The following USP35 variants were observed in gnomAD, a reference collection of about 807,000 sequenced individuals.
USP35 encodes ubiquitin specific peptidase 35.
In USP35, 69 loss-of-function variants were observed where a neutral mutation model predicts 83.8. That is an observed-to-expected ratio of 0.82 (90% CI 0.68 to 1.01). The LOEUF is 1.01. Ranked by LOEUF, USP35 falls within the 50% of genes least tolerant of loss-of-function variation. USP35 has a pLI of 0.00. For synonymous variants in USP35, 714 were observed against 589.5 expected (o/e 1.21, Z -3.06); for missense variants, 1,503 against 1,362.5 (o/e 1.10, Z -1.62).
chr11:78,231,497 G>A, the USP35 span, among the ~76,000 whole-genome samples: 1 of 152,088 alleles, frequency 6.6e-6, no homozygotes, highest in African/African-American at 2.4e-5. Context: ...TTACAGGAGC[G>A]TACCACTGCA....
At chr11:78,236,737 T>C in the USP35 span, among the ~76,000 whole-genome samples, 1 of 151,024 alleles carries the variant, frequency 6.6e-6, no homozygotes, top group African/African-American at 2.4e-5. Context: ...ATATTATTTT[T>C]CTCCTTCATT....
chr11:78,190,247 T>G (rs915495940), intron 1 of USP35, among the ~76,000 whole-genome samples: 4 of 152,196 alleles, frequency 2.6e-5, no homozygotes, highest in African/African-American at 9.6e-5. Flanking sequence ...TTTTGTTTTG[T>G]TTTGTTTTGT....
rs753675342 is a variant in USP35, at chr11:78,209,816, C to G, written c.1961C>G (p.Pro654Arg). 3.7e-6 allele frequency: 6 copies of G among 1,613,544 alleles called. No individual in the cohort carries two copies. Among genetic ancestry groups the G allele is most frequent in the East Asian group, 4.5e-5 (2 of 44,834 alleles). The change falls in exon 10 of 11, where the codon CCC becomes CGC. Residue 654 changes from proline to arginine, a missense_variant. Coordinates refer to ENST00000529308, the MANE Select transcript of USP35 (RefSeq NM_020798.4). ...CACTGCATCACAGAGGACACCCCCC[C>G]CACCAGCCTGTACATCGAAGGCCTG... is the stretch of plus-strand genomic sequence containing the variant. The part of the protein sequence containing the change: ...RKHCITEDTP[P>R]TSLYIEGLDS...
intron 3 of USP35, chr11:78,198,563 C>G: frequency 1.1e-5 from 11 of 967,208 alleles, no homozygotes; most frequent in Non-Finnish European, 1.2e-5. Context: ...CAGAATATGC[C>G]GCTCCCCTCC....
chr11:78,212,697 T>C (rs1225944842), intron 10 of USP35, among the ~76,000 whole-genome samples: 1 of 152,186 alleles, frequency 6.6e-6, no homozygotes, highest in East Asian at 1.9e-4. Context: ...CTGCTTCTTG[T>C]TGGTGTATAG....
At chr11:78,230,065 T>C in the USP35 span, among the ~76,000 whole-genome samples, 5 of 152,256 alleles carry the variant, frequency 3.3e-5, no homozygotes, top group African/African-American at 9.6e-5. Context: ...GGAAAGAAAC[T>C]GTGTCTTACT....
At chr11:78,223,619 G>T in the USP35 span, 1 of 1,612,698 alleles carries the variant, frequency 6.2e-7, no homozygotes, top group Non-Finnish European at 8.5e-7. Context: ...GGATTCATGG[G>T]CACATAGTTG....
At chr11:78,190,761 T>A (rs898488395) in intron 1 of USP35, among the ~76,000 whole-genome samples, 1 of 152,138 alleles carries the variant, frequency 6.6e-6, no homozygotes, top group Non-Finnish European at 1.5e-5. Flanking sequence ...AGCTGGGCAT[T>A]GAAGGGTGAG....
chr11:78,195,695 T>C (rs915831846), intron 1 of USP35, among the ~76,000 whole-genome samples: 3 of 152,180 alleles, frequency 2.0e-5, no homozygotes, highest in African/African-American at 4.8e-5. Context: ...ACGTAGCCTT[T>C]GTGCGATTAA....
rs1197505090 is a variant in USP35 at position 78,209,989 on chromosome 11, G to A, written c.2134G>A (p.Val712Met). The change falls in exon 10 of 11, where the codon GTG becomes ATG. Residue 712 changes from valine (V) to methionine (M), a missense_variant. Val to Met is a conservative substitution (Grantham distance 21). Transcript: ENST00000529308. ...AGGAGAGAGGGAGAAAGAGGAGGAG[G>A]TGGAAGAGGAAGAAGAGAAGGTGGA... ...GEGEREKEEE[V>M]EEEEEKVEKE... is the part of the protein sequence containing the mutation. 1 of 1,613,192 alleles carries A rather than the reference G, an allele frequency of 6.2e-7. No individual in the cohort carries two copies. Among genetic ancestry groups the A allele is most frequent in the East Asian group, 2.2e-5 (1 of 44,862 alleles).
At chr11:78,200,576 G>A in intron 5 of USP35, 74 bp from the exon 6 acceptor site, 1 of 1,535,686 alleles carries the variant, frequency 6.5e-7, no homozygotes, top group Non-Finnish European at 8.8e-7. Flanking sequence ...GTTGCGTGCT[G>A]TCAGCAGGGA....
chr11:78,204,035 C>T (rs1008771283), intron 6 of USP35, among the ~76,000 whole-genome samples: 7 of 149,698 alleles, frequency 4.7e-5, no homozygotes, highest in African/African-American at 7.4e-5. Context: ...GGACTACAGG[C>T]GCCCGCCACT....
rs1483558746 is a variant in USP35, at chr11:78,213,615, AGTCT to A, written c.2890-30_2890-27del. On this transcript the variant is annotated intron_variant, in intron 10 of 10. Transcript: ENST00000529308. ...CTCTGGCTTCAGGGTGTGAATTCTA[AGTCT>A]AAGTCTCCTCTCATCTGTGTTCCCA... The A allele has an allele frequency of 6.2e-6, 6 of 967,722 alleles. No homozygotes were observed. In the Admixed American group the frequency reaches 2.3e-4, roughly 38 times the overall value. The allele number at this position is 967,722 out of a possible 1,614,324, so 59.9% of individuals were successfully genotyped here.
the USP35 span, among the ~76,000 whole-genome samples, chr11:78,230,031 G>A: frequency 6.6e-6 from 1 of 152,112 alleles, no homozygotes; most frequent in Non-Finnish European, 1.5e-5. Context: ...ACTTATCTCT[G>A]CCAACAGACT....
chr11:78,198,195 T>A, intron 3 of USP35, 127 bp downstream of exon 3: 1 of 1,399,010 alleles, frequency 7.1e-7, no homozygotes, highest in African/African-American at 1.4e-5. Flanking sequence ...CTCATGTGTG[T>A]TCCATCATCT....
chr11:78,199,703 T>C lies in USP35; in HGVS notation c.915T>C (p.Val305=). 1 of 1,614,176 alleles carries C rather than the reference T, an allele frequency of 6.2e-7. No homozygotes were observed. Among genetic ancestry groups the C allele is most frequent in the Non-Finnish European group, 8.5e-7 (1 of 1,180,008 alleles). ...AVKKFSILIE[V]SLTKIEKVFS... ...AGAAGTTCAGCATCTTGATCGAGGTTTCGCTCACCAAAATTGAGAAGGTTG... is the reference window on the plus strand; with the variant it reads ...AGAAGTTCAGCATCTTGATCGAGGTCTCGCTCACCAAAATTGAGAAGGTTG... Residue 305 remains valine (V), a synonymous_variant, in exon 4 of 11, where the codon GTT becomes GTC. Transcript: ENST00000529308.
intron 6 of USP35, among the ~76,000 whole-genome samples, chr11:78,204,882 C>G (rs918259532): frequency 6.6e-6 from 1 of 152,210 alleles, no homozygotes; most frequent in African/African-American, 2.4e-5. Flanking sequence ...GTGAGCAAGA[C>G]CTTCTGTGGG....
chr11:78,205,921 C>G lies in USP35; in HGVS notation c.1277C>G (p.Ala426Gly), dbSNP rs781468162. 1 of 1,614,124 alleles carries G rather than the reference C, an allele frequency of 6.2e-7. No homozygotes were observed. The highest frequency in any genetic ancestry group is 1.7e-5 in the Admixed American group (1 of 60,010). ...TGGACTTCGCAGAAGAGCGAGCTGGCGGGTTTCTATCCCCGGCTCATGGCC... is the reference window on the plus strand; with the variant it reads ...TGGACTTCGCAGAAGAGCGAGCTGGGGGGTTTCTATCCCCGGCTCATGGCC... ...DAWTSQKSELAGFYPRLMAKS... is the reference protein window; with the variant it reads ...DAWTSQKSELGGFYPRLMAKS... The change falls in exon 7 of 11, where the codon GCG becomes GGG. Residue 426 changes from alanine (A) to glycine (G), a missense_variant. Transcript: ENST00000529308.
rs376857597 is a variant in USP35, at chr11:78,196,928, C to T, written c.673+10C>T. ...GTCATCTCCTGCGCAGGTGCGTGTG[C>T]GGCCGGGGCAGGAGCGCGGGCATGC... On this transcript the variant is annotated intron_variant, in intron 2 of 10. Coordinates refer to ENST00000529308, the MANE Select transcript of USP35 (RefSeq NM_020798.4). This position sits in a 1 kb window ranked among gnomAD's most constrained non-coding sequence, Gnocchi z 4.8. The T allele has an allele frequency of 2.1e-5, 30 of 1,440,034 alleles. No individual in the cohort carries two copies. Among genetic ancestry groups the T allele is most frequent in the Non-Finnish European group, 2.7e-5 (30 of 1,100,056 alleles). 89.2% of individuals were successfully genotyped at this position (1,440,034 alleles called of 1,614,324 possible).
Sources: allele counts gnomAD v4.1 joint callset (sites outside exome capture counted in the v4.1 genomes callset), GRCh38; gene constraint gnomAD v4.1.1; non-coding constraint Gnocchi (gnomAD v3.1); transcripts MANE v1.5; gene names NCBI Gene and HGNC (gene_info 2026-07-23, HGNC 2026-07-21).